SRGAP2B: variants seen among roughly 807,000 people sequenced by gnomAD.
The protein encoded by SRGAP2B is SLIT-ROBO Rho GTPase-activating protein 2B.
SRGAP2B carries 9 observed loss-of-function variants against 22.2 expected under a neutral mutation model. The observed-to-expected ratio is 0.41, with a 90% CI of 0.24 to 0.71. The LOEUF is 0.71. Among genes scored for constraint, SRGAP2B ranks in the 30% least tolerant of loss-of-function variants. SRGAP2B has a pLI of 0.35. For synonymous variants in SRGAP2B, 36 were observed against 87.4 expected, an observed-to-expected ratio of 0.41 and a Z score of 3.28; for missense variants, 114 against 235.8, an observed-to-expected ratio of 0.48 and a Z score of 3.38.
At chr1:144,974,115 G>A (rs1553613819) in intron 3 of SRGAP2B, among the ~76,000 whole-genome samples, 5 of 150,444 alleles carry the variant, frequency 3.3e-5, no homozygotes, top group Non-Finnish European at 4.4e-5. Context: ...TATCAACACA[G>A]TCCCATCCTG....
At chr1:144,982,502 C>T (rs61167576) in intron 3 of SRGAP2B, among the ~76,000 whole-genome samples, 9 of 148,028 alleles carry the variant, frequency 6.1e-5, no homozygotes, top group African/African-American at 2.1e-4. Context: ...ATTATATCAG[C>T]TACCATTTAT....
At chr1:145,076,547 G>A (rs1303974182) in intron 2 of SRGAP2B, among the ~76,000 whole-genome samples, 2 of 149,618 alleles carry the variant, frequency 1.3e-5, no homozygotes, top group African/African-American at 5.1e-5. Context: ...AAAAAAAAAG[G>A]CCAATCCTAA....
At chr1:145,031,719 C>T (rs1368426151) in intron 2 of SRGAP2B, among the ~76,000 whole-genome samples, 15 of 145,154 alleles carry the variant, frequency 1.0e-4, no homozygotes, top group Non-Finnish European at 1.8e-4. Context: ...TGGTGGTGGG[C>T]GCCTGTAGTC....
intron 3 of SRGAP2B, among the ~76,000 whole-genome samples, chr1:144,965,476 G>A (rs370441429): frequency 2.1e-4 from 30 of 145,292 alleles, no homozygotes; most frequent in African/African-American, 7.0e-4. Flanking sequence ...CATCCACACC[G>A]AAAACCCATC....
At chr1:144,963,179 A>T (rs1341186720) in intron 3 of SRGAP2B, among the ~76,000 whole-genome samples, 1 of 150,708 alleles carries the variant, frequency 6.6e-6, no homozygotes, top group Non-Finnish European at 1.5e-5. Context: ...GGAATGAATA[A>T]AGAGGCTGTT....
At chr1:144,966,841 C>T (rs1200008342) in intron 3 of SRGAP2B, among the ~76,000 whole-genome samples, 13 of 149,052 alleles carry the variant, frequency 8.7e-5, no homozygotes, top group Admixed American at 5.3e-4. Flanking sequence ...GGTTGCAATC[C>T]TAGTCTCTGA....
intron 2 of SRGAP2B, among the ~76,000 whole-genome samples, chr1:145,027,044 G>T (rs1553625250): frequency 1.2e-5 from 1 of 85,678 alleles, no homozygotes; most frequent in Non-Finnish European, 2.4e-5. Flanking sequence ...TTGAGATGGA[G>T]TCTCGGTCTG....
In SRGAP2B at chr1:144,999,192, C is replaced by G. The variant is rs1184165318; in HGVS notation, c.68-3992G>C. 2.7e-5 allele frequency among the ~76,000 whole-genome samples: 4 copies of G among 150,918 alleles called. 1 individual carries two copies. The highest frequency in any genetic ancestry group is 5.0e-5 in the African/African-American group (2 of 40,362). ...TCTGGTTTACAGTTGGATGAGAATA[C>G]TTGGGAGCTATGGAGATGGTGGGGT... is the stretch of plus-strand genomic sequence containing the variant. On this transcript the variant is annotated intron_variant, in intron 2 of 9. Coordinates refer to ENST00000612199, the Ensembl canonical transcript of SRGAP2B.
chr1:145,073,210 G>A (rs1317087624), intron 2 of SRGAP2B, among the ~76,000 whole-genome samples: 1 of 149,990 alleles, frequency 6.7e-6, no homozygotes, highest in African/African-American at 2.5e-5. Flanking sequence ...ACGTAAGAGG[G>A]GTGTCATCTA....
chr1:144,923,055 G>A (rs1382964192), intron 4 of SRGAP2B, among the ~76,000 whole-genome samples: 8 of 150,692 alleles, frequency 5.3e-5, no homozygotes, highest in South Asian at 2.1e-4. Context: ...AGGCATACTC[G>A]GGACAAGGGT....
At chr1:145,019,748 A>G (rs1182655411) in intron 2 of SRGAP2B, among the ~76,000 whole-genome samples, 2 of 140,034 alleles carry the variant, frequency 1.4e-5, no homozygotes, top group East Asian at 4.2e-4. Context: ...GATATAATTG[A>G]TGTAGATATA....
At chr1:144,951,152 GT>G in intron 4 of SRGAP2B, among the ~76,000 whole-genome samples, 1 of 150,568 alleles carries the variant, frequency 6.6e-6, no homozygotes, top group South Asian at 2.1e-4. Flanking sequence ...CCAGCCCTCT[GT>G]TTTGTTTTTT....
chr1:144,985,841 G>A (rs1301477529), intron 3 of SRGAP2B, among the ~76,000 whole-genome samples: 1 of 148,226 alleles, frequency 6.7e-6, no homozygotes, highest in Non-Finnish European at 1.5e-5. Context: ...AGTTCTATCT[G>A]CAGCATCTCT....
intron 4 of SRGAP2B, among the ~76,000 whole-genome samples, chr1:144,953,338 G>C (rs1214647118): frequency 8.6e-4 from 130 of 151,984 alleles, no homozygotes; most frequent in African/African-American, 2.9e-3. Flanking sequence ...GAATATGAGG[G>C]GGTTTCTAGG....
chr1:144,964,783 G>C (rs1338113653), intron 3 of SRGAP2B, among the ~76,000 whole-genome samples: 4 of 150,656 alleles, frequency 2.7e-5, no homozygotes, highest in African/African-American at 9.9e-5. Flanking sequence ...GCCAGGTATG[G>C]TGACACGTGC....
chr1:144,929,600 T>A (rs1553605465), intron 4 of SRGAP2B, among the ~76,000 whole-genome samples: 2 of 151,002 alleles, frequency 1.3e-5, no homozygotes, highest in African/African-American at 4.9e-5. Context: ...CTGTTTCTCT[T>A]AGCTTTTGGT....
intron 2 of SRGAP2B, among the ~76,000 whole-genome samples, chr1:145,015,684 T>C (rs1672369726): frequency 6.8e-6 from 1 of 146,192 alleles, no homozygotes; most frequent in Non-Finnish European, 1.5e-5. Context: ...GCCAACAGCA[T>C]GTTCAAAGGC....
chr1:145,019,888 C>T (rs1672666663), intron 2 of SRGAP2B, among the ~76,000 whole-genome samples: 1 of 150,934 alleles, frequency 6.6e-6, no homozygotes. Flanking sequence ...GCCTCATTCC[C>T]ACCAGAGCAC....
At chr1:144,924,785 T>C (rs1664540582) in intron 4 of SRGAP2B, among the ~76,000 whole-genome samples, 1 of 146,728 alleles carries the variant, frequency 6.8e-6, no homozygotes. Flanking sequence ...TCAGGCGCAG[T>C]ATCCATATAT....
Sources: gnomAD v4.1 joint callset for allele counts (sites outside exome capture counted in the v4.1 genomes callset) on GRCh38, gnomAD v4.1.1 for gene constraint, MANE v1.5 for transcripts, NCBI Gene and HGNC (gene_info 2026-07-23, HGNC 2026-07-21) for gene names.